Variants in IARS2 observed in about 807,000 individuals in gnomAD.
IARS2 encodes isoleucyl-tRNA synthetase 2, mitochondrial.
In IARS2, 56 loss-of-function variants were observed where a neutral mutation model predicts 126.3. That is an observed-to-expected ratio of 0.44 (90% confidence interval 0.36 to 0.55). IARS2 has a LOEUF of 0.55. Ranked by LOEUF, IARS2 falls within the 20% of genes least tolerant of loss-of-function variation. The pLI is 0.00. For missense variants in IARS2, 1,127 were observed against 1,245.9 expected (o/e 0.90, Z 1.44); for synonymous variants, 407 against 441.1 (o/e 0.92, Z 0.97).
At chr1:220,123,090 G>GT (rs1025444800) in intron 12 of IARS2, among the ~76,000 whole-genome samples, 36 of 143,360 alleles carry the variant, frequency 2.5e-4, no homozygotes, top group South Asian at 2.2e-4. Context: ...TAATCTTTTT[G>GT]TTTTTTTTTT....
chr1:220,097,089 A>C (rs1656460743), intron 2 of IARS2, among the ~76,000 whole-genome samples: 1 of 152,154 alleles, frequency 6.6e-6, no homozygotes, highest in Non-Finnish European at 1.5e-5. Context: ...ATACAGAATA[A>C]AACTCTATTA....
chr1:220,108,574 A>G (rs1484589279), intron 10 of IARS2, among the ~76,000 whole-genome samples: 1 of 151,864 alleles, frequency 6.6e-6, no homozygotes, highest in South Asian at 2.1e-4. Flanking sequence ...TTTAGTAGAG[A>G]TGGGGTTTCA....
intron 3 of IARS2, among the ~76,000 whole-genome samples, chr1:220,101,458 G>A (rs952011980): frequency 2.9e-4 from 44 of 152,296 alleles, no homozygotes; most frequent in African/African-American, 1.1e-3. Context: ...CACTTTGGGA[G>A]GCTGAGGGAG....
rs1657499238 is a variant in IARS2, at chr1:220,141,894, C to G, written c.2506C>G (p.Pro836Ala). 5 of 1,614,128 alleles carry G rather than the reference C, an allele frequency of 3.1e-6. No homozygotes were observed. The highest frequency in any genetic ancestry group is 1.7e-6 in the Non-Finnish European group (2 of 1,180,006). The stretch of plus-strand genomic sequence containing the variant: ...GGATGTAATAGTTCGTTCTTTTGCT[C>G]CCATTCTTCCTCACCTGGCTGAAGA... ...ILDVIVRSFA[P>A]ILPHLAEEVF... The change falls in exon 20 of 23, where the codon CCC becomes GCC. Residue 836 changes from proline to alanine, a missense_variant. Transcript: ENST00000366922.
chr1:220,134,588 T>G (rs1657335041), intron 15 of IARS2, 78 bp downstream of exon 15: 1 of 767,742 alleles, frequency 1.3e-6, no homozygotes, highest in East Asian at 2.8e-5. Context: ...ACAGAGATGA[T>G]AAGGCACCAC....
At chr1:220,144,186 A>T in intron 21 of IARS2, 1 of 787,272 alleles carries the variant, frequency 1.3e-6, no homozygotes. Context: ...CAGCTCTGTG[A>T]CCATCAGTGA....
At chr1:220,108,760 C>T (rs1194467360) in intron 10 of IARS2, among the ~76,000 whole-genome samples, 1 of 151,902 alleles carries the variant, frequency 6.6e-6, no homozygotes, top group African/African-American at 2.4e-5. Flanking sequence ...CCCAAGTGAT[C>T]CACCTGCCTA....
At chr1:220,146,336 GA>G (rs1456613355) in intron 22 of IARS2, among the ~76,000 whole-genome samples, 1 of 151,898 alleles carries the variant, frequency 6.6e-6, no homozygotes. Flanking sequence ...CTAACACAGT[GA>G]AACCCCGAAT....
intron 14 of IARS2, among the ~76,000 whole-genome samples, chr1:220,128,458 G>C (rs1442479804): frequency 6.6e-6 from 1 of 152,176 alleles, no homozygotes; most frequent in African/African-American, 2.4e-5. Flanking sequence ...ATGTTGGCTA[G>C]GTGTAGAGTA....
rs756039447 is a variant in IARS2 at position 220,141,932 on chromosome 1, C to G, written c.2544C>G (p.His848Gln). Residue 848 changes from histidine to glutamine, a missense_variant, in exon 20 of 23, where the codon CAC (histidine) becomes CAG (glutamine). Physicochemically the swap from His to Gln is conservative, Grantham distance 24 (BLOSUM62 0). Transcript: ENST00000366922. ...LPHLAEEVFQ[H>Q]IPYIKEPKSV... Reference sequence around the variant, plus strand: ...ACCTGGCTGAAGAGGTGTTCCAGCACATACCTTATATTAAAGGTAAGGAAT... The same window carrying G: ...ACCTGGCTGAAGAGGTGTTCCAGCAGATACCTTATATTAAAGGTAAGGAAT... The G allele has an allele frequency of 6.2e-7, 1 of 1,613,886 alleles. No individual in the cohort carries two copies. The highest frequency in any genetic ancestry group is 2.2e-5 in the East Asian group (1 of 44,862).
At chr1:220,127,121 C>T (rs1045164156) in intron 14 of IARS2, among the ~76,000 whole-genome samples, 7 of 152,106 alleles carry the variant, frequency 4.6e-5, no homozygotes, top group Admixed American at 3.3e-4. Context: ...TCTCCTTGGC[C>T]ACTTGGCAAC....
chr1:220,121,810 G>C (rs932337162), intron 12 of IARS2, among the ~76,000 whole-genome samples: 8 of 152,164 alleles, frequency 5.3e-5, no homozygotes, highest in Non-Finnish European at 2.9e-5. Context: ...TGGATGTGGA[G>C]CTGAGTGTGG....
intron 2 of IARS2, among the ~76,000 whole-genome samples, chr1:220,099,408 A>G (rs1193171619): frequency 6.6e-6 from 1 of 152,192 alleles, no homozygotes; most frequent in African/African-American, 2.4e-5. Context: ...TTTGAGATAT[A>G]TCACATTTTC....
chr1:220,099,888 A>G (rs1300536408), intron 2 of IARS2, among the ~76,000 whole-genome samples: 3 of 152,058 alleles, frequency 2.0e-5, no homozygotes, highest in African/African-American at 7.2e-5. Flanking sequence ...AAAGGGGGGA[A>G]GGGATGGGAG....
intron 14 of IARS2, 84 bp downstream of exon 14, chr1:220,126,927 C>CT (rs1657167651): frequency 1.1e-6 from 1 of 951,088 alleles, no homozygotes; most frequent in South Asian, 1.6e-5. Flanking sequence ...TAATCAAACT[C>CT]TTTTTCTGTG....
Position 220,114,008 on chromosome 1 carries a change from C to T in IARS2, c.1480-306C>T, listed in dbSNP as rs75886035. Among the ~76,000 whole-genome samples, 10,893 of 152,100 alleles carry T rather than the reference C, an allele frequency of 0.072. 523 individuals are homozygous for T. Among genetic ancestry groups the T allele is most frequent in the South Asian group, 0.15 (738 of 4,824 alleles). ...GAAAGCTTTTATTACCAGTTTTGAT[C>T]TAGGGTTGGTGTAAATTAGAAATTG... On this transcript the variant is annotated intron_variant, in intron 11 of 22. Coordinates refer to ENST00000366922, the MANE Select transcript of IARS2 (RefSeq NM_018060.4).
At chr1:220,120,217 G>A (rs1289263662) in intron 12 of IARS2, among the ~76,000 whole-genome samples, 1 of 151,792 alleles carries the variant, frequency 6.6e-6, no homozygotes, top group African/African-American at 2.4e-5. Context: ...AAGTAGCTGG[G>A]ATTACAGGCT....
intron 2 of IARS2, among the ~76,000 whole-genome samples, chr1:220,097,892 T>C (rs1259846407): frequency 6.6e-6 from 1 of 151,970 alleles, no homozygotes; most frequent in Non-Finnish European, 1.5e-5. Context: ...TGTTGTTCTT[T>C]GAGACAGAGT....
chr1:220,094,409 C>T lies in IARS2; in HGVS notation c.193C>T (p.Leu65=). ...TAGTGGCAGATACCGGGACACGGTG[C>T]TGCTGCCGCAGACGAGCTTCCCCAT... is the stretch of plus-strand genomic sequence containing the variant. ...SNSGRYRDTV[L]LPQTSFPMKL... The change falls in exon 1 of 23, where the codon CTG becomes TTG. Residue 65 remains leucine, a synonymous_variant. Transcript: ENST00000366922. 5.6e-6 allele frequency: 9 copies of T among 1,611,578 alleles called. No homozygotes were observed. The highest frequency in any genetic ancestry group is 7.6e-6 in the Non-Finnish European group (9 of 1,179,406).
Sources: gnomAD v4.1 joint callset for allele counts (sites outside exome capture counted in the v4.1 genomes callset) on GRCh38, gnomAD v4.1.1 for gene constraint, MANE v1.5 for transcripts, NCBI Gene and HGNC (gene_info 2026-07-23, HGNC 2026-07-21) for gene names.